MAP3K7: variants seen among roughly 807,000 people sequenced by gnomAD.
MAP3K7 encodes TGF-beta activated kinase 1.
A neutral mutation model predicts 84.8 loss-of-function variants in MAP3K7; 21 were observed. The ratio of observed to expected loss-of-function variants is 0.25; its 90% confidence interval spans 0.18 to 0.36. The LOEUF is 0.36. MAP3K7 is among the 10% of genes least tolerant of loss of function. The pLI, the probability that MAP3K7 is intolerant of heterozygous loss-of-function variation, is 1.00. For synonymous variants in MAP3K7, 241 were observed against 247.7 expected (o/e 0.97, Z 0.25); for missense variants, 503 against 747.7 (o/e 0.67, Z 3.82).
chr6:90,516,224 T>G lies in MAP3K7; in HGVS notation c.*277A>C. The G allele has an allele frequency of 4.2e-6, 2 of 476,858 alleles. No individual in the cohort carries two copies. The highest frequency in any genetic ancestry group is 3.7e-6 in the Non-Finnish European group (1 of 267,756). 29.5% of individuals were successfully genotyped at this position (476,858 alleles called of 1,614,324 possible). On this transcript the variant is annotated 3_prime_UTR_variant, in exon 17 of 17. Transcript: ENST00000369329. ...TAGGCTAGCCTTCACACAATGAGCA[T>G]GCATATACAGCCACAGTTCACTGCA...
chr6:90,541,716 G>A (rs1775860945), intron 12 of MAP3K7, among the ~76,000 whole-genome samples: 1 of 151,982 alleles, frequency 6.6e-6, no homozygotes, highest in Admixed American at 6.6e-5. Flanking sequence ...TTGCTAAGTT[G>A]CTTTTTCTTC....
chr6:90,516,802 C>T, intron 16 of MAP3K7, 121 bp from the exon 17 acceptor site: 2 of 717,396 alleles, frequency 2.8e-6, no homozygotes, highest in South Asian at 4.2e-5. Flanking sequence ...ATCTTAGGTA[C>T]ACTAATCAAA....
chr6:90,583,185 A>G (rs148461779), intron 1 of MAP3K7, among the ~76,000 whole-genome samples: 59 of 152,254 alleles, frequency 3.9e-4, no homozygotes, highest in African/African-American at 6.7e-4. Flanking sequence ...ACCAAGCCCT[A>G]TTTATCTTTT....
chr6:90,537,761 C>G (rs1396002379), intron 12 of MAP3K7, among the ~76,000 whole-genome samples: 1 of 151,922 alleles, frequency 6.6e-6, no homozygotes, highest in Non-Finnish European at 1.5e-5. Context: ...CTTTCAACTA[C>G]CCCTGTTTCC....
intron 12 of MAP3K7, among the ~76,000 whole-genome samples, chr6:90,539,633 C>T (rs9359891): frequency 0.037 from 5,545 of 151,840 alleles, 121 homozygotes; most frequent in African/African-American, 0.054. Context: ...CATTAGTTAC[C>T]GACCGGCTCT....
At chr6:90,571,843 ACAC>A (rs779366570) in intron 1 of MAP3K7, 36 bp from the exon 2 acceptor site, 4 of 1,224,440 alleles carry the variant, frequency 3.3e-6, no homozygotes, top group South Asian at 1.4e-5. Context: ...CAAACAAAAA[ACAC>A]CACAAGAATC....
Position 90,544,621 on chromosome 6 carries a change from G to A in MAP3K7, c.1222C>T (p.Pro408Ser). Residue 408 changes from proline (P) to serine (S), a missense_variant, in exon 12 of 17, where the codon CCT (proline) becomes TCT (serine). Physicochemically the swap from Pro to Ser is moderately conservative, Grantham distance 74. This residue lies in a region of MAP3K7 where 286 missense variants were observed against 313.6 expected (regional missense o/e 0.91). Transcript: ENST00000369329. ...GCAGTTTTACGGTGGCCCCGTTTAGGCTTGGAATAGGCTGCAAAAACACAT... is the reference window on the plus strand; with the variant it reads ...GCAGTTTTACGGTGGCCCCGTTTAGACTTGGAATAGGCTGCAAAAACACAT... ...RIAATTAYSK[P>S]KRGHRKTASF... The A allele has an allele frequency of 1.9e-6, 3 of 1,612,310 alleles. No individual in the cohort carries two copies. The highest frequency in any genetic ancestry group is 2.5e-6 in the Non-Finnish European group (3 of 1,178,772).
rs1337008229 is a variant in MAP3K7, at chr6:90,514,595, A to G, written c.*1906T>C. 1 of 152,076 alleles carries G rather than the reference A, an allele frequency of 6.6e-6. No individual in the cohort carries two copies. Among genetic ancestry groups the G allele is most frequent in the African/African-American group, 2.4e-5 (1 of 41,428 alleles). The allele number at this position is 152,076 out of a possible 1,614,324, so 9.4% of individuals were successfully genotyped here. On this transcript the variant is annotated 3_prime_UTR_variant, in exon 17 of 17. Coordinates refer to ENST00000369329, the MANE Select transcript of MAP3K7 (RefSeq NM_145331.3). ...CAGCAAAACACATCAATGACTATAA[A>G]TAAAATCTGAAATCTCGAATGCTAA...
chr6:90,530,235 CAT>C (rs1261651130), intron 13 of MAP3K7, among the ~76,000 whole-genome samples: 4 of 152,090 alleles, frequency 2.6e-5, no homozygotes, highest in Admixed American at 1.3e-4. Flanking sequence ...AAGAGAAACA[CAT>C]GTTTGTGACA....
At chr6:90,537,303 T>C (rs1775711858) in intron 12 of MAP3K7, 1 of 152,012 alleles carries the variant, frequency 6.6e-6, no homozygotes, top group Admixed American at 6.6e-5. Context: ...ATTTCTCAAC[T>C]AGTGGGCAAC....
intron 5 of MAP3K7, 38 bp downstream of exon 5, chr6:90,560,038 A>C (rs1181541053): frequency 6.2e-7 from 1 of 1,613,206 alleles, no homozygotes; most frequent in Admixed American, 1.7e-5. Flanking sequence ...AGAGAGAAGG[A>C]GGAAGAGGCT....
chr6:90,552,270 T>C, intron 7 of MAP3K7, 91 bp from the exon 8 acceptor site: 1 of 1,198,058 alleles, frequency 8.3e-7, no homozygotes, highest in Non-Finnish European at 1.2e-6. Context: ...GTGGTATTTA[T>C]TTTATAGATC....
chr6:90,522,533 G>A (rs1407408835), intron 14 of MAP3K7, among the ~76,000 whole-genome samples: 2 of 152,110 alleles, frequency 1.3e-5, no homozygotes, highest in East Asian at 3.9e-4. Context: ...TACCACTGGG[G>A]AGGAGCAAGT....
chr6:90,518,424 T>C (rs943591472), intron 16 of MAP3K7, 23 bp downstream of exon 16: 4 of 1,247,974 alleles, frequency 3.2e-6, no homozygotes, highest in Non-Finnish European at 4.6e-6. Flanking sequence ...TATTTTTATT[T>C]TTATTCATAA....
chr6:90,525,944 G>A (rs541369759), intron 13 of MAP3K7, among the ~76,000 whole-genome samples: 7 of 152,200 alleles, frequency 4.6e-5, no homozygotes, highest in Admixed American at 1.3e-4. Flanking sequence ...AAACTCCTGG[G>A]CTCAAGTGAT....
At chr6:90,548,467 A>G (rs1158050555) in intron 9 of MAP3K7, among the ~76,000 whole-genome samples, 1 of 152,204 alleles carries the variant, frequency 6.6e-6, no homozygotes, top group Non-Finnish European at 1.5e-5. Context: ...ATGCGGAAAG[A>G]CTAAAGGAAG....
intron 1 of MAP3K7, among the ~76,000 whole-genome samples, chr6:90,577,113 G>C (rs997570387): frequency 4.6e-5 from 7 of 152,134 alleles, no homozygotes; most frequent in Admixed American, 2.6e-4. Flanking sequence ...ATAGCTACGA[G>C]GGCAAGGTCA....
intron 9 of MAP3K7, 152 bp downstream of exon 9, chr6:90,550,316 A>G (rs1776139731): frequency 3.8e-6 from 2 of 520,800 alleles, no homozygotes; most frequent in South Asian, 5.8e-5. Flanking sequence ...ATGAAGAATG[A>G]CGCACCTGTA....
chr6:90,573,200 T>C (rs909052673), intron 1 of MAP3K7, among the ~76,000 whole-genome samples: 1 of 152,174 alleles, frequency 6.6e-6, no homozygotes, highest in Non-Finnish European at 1.5e-5. Flanking sequence ...CCAGGTAGTC[T>C]AACACGGGAA....
Sources: allele counts gnomAD v4.1 joint callset (sites outside exome capture counted in the v4.1 genomes callset), GRCh38; gene constraint gnomAD v4.1.1; regional missense constraint gnomAD v4.1.1; transcripts MANE v1.5; gene names NCBI Gene and HGNC (gene_info 2026-07-23, HGNC 2026-07-21).